MELK: variants seen among roughly 807,000 people sequenced by gnomAD.
MELK encodes the protein pEg3 kinase.
A neutral mutation model predicts 85.0 loss-of-function variants in MELK; 81 were observed. That is an observed-to-expected ratio of 0.95 (90% CI 0.80 to 1.15). The LOEUF (loss-of-function observed/expected upper bound fraction) is 1.15, where lower values mean the gene tolerates loss of function less well. Among genes scored for constraint, MELK ranks in the 50% most tolerant of loss-of-function variants. The pLI is 0.00. For missense variants in MELK, 754 were observed against 777.5 expected (o/e 0.97, Z 0.36); for synonymous variants, 252 against 265.0 (o/e 0.95, Z 0.48).
intron 2 of MELK, among the ~76,000 whole-genome samples, chr9:36,582,707 A>G (rs1822384019): frequency 6.6e-6 from 1 of 152,052 alleles, no homozygotes; most frequent in Admixed American, 6.6e-5. Flanking sequence ...CAAGGTAGCC[A>G]TTGATATATT....
intron 7 of MELK, among the ~76,000 whole-genome samples, chr9:36,602,221 G>A (rs920542996): frequency 2.0e-5 from 3 of 152,002 alleles, no homozygotes; most frequent in Admixed American, 1.3e-4. Flanking sequence ...GGCTGGGCGC[G>A]GTGGCTCATG....
In MELK at chr9:36,608,417, G is replaced by GTATATATA. The variant is rs543732493; in HGVS notation, c.666+754_666+761dup. 1.1e-4 allele frequency among the ~76,000 whole-genome samples: 17 copies of GTATATATA among 148,078 alleles called. No individual in the cohort carries two copies. The South Asian group carries it at 3.6e-3, about 32-fold the overall frequency. On this transcript the variant is annotated intron_variant, in intron 8 of 17. Coordinates refer to ENST00000298048, the MANE Select transcript of MELK (RefSeq NM_014791.4). The stretch of plus-strand genomic sequence containing the variant: ...ATAAATTAAACTTTATCAAACTTGT[G>GTATATATA]TATATATATATATATATGGAAAGAA...
At chr9:36,597,576 A>G (rs1236003079) in intron 6 of MELK, among the ~76,000 whole-genome samples, 1 of 152,214 alleles carries the variant, frequency 6.6e-6, no homozygotes, top group African/African-American at 2.4e-5. Context: ...AGGCTATTAC[A>G]GCAAGAATGC....
At chr9:36,599,178 G>A (rs1378884281) in intron 6 of MELK, among the ~76,000 whole-genome samples, 2 of 151,996 alleles carry the variant, frequency 1.3e-5, no homozygotes, top group East Asian at 3.9e-4. Flanking sequence ...CTGCGTGCCT[G>A]TAATCCCAGC....
At chr9:36,657,412 T>C (rs1831363624) in intron 13 of MELK, 49 bp downstream of exon 13, 3 of 1,535,840 alleles carry the variant, frequency 2.0e-6, no homozygotes, top group Non-Finnish European at 1.7e-6. Context: ...GTTTCAATTA[T>C]AAAAACAACC....
intron 14 of MELK, among the ~76,000 whole-genome samples, chr9:36,666,901 GTGTGTGA>G (rs1302287254): frequency 1.1e-4 from 15 of 134,032 alleles, no homozygotes; most frequent in African/African-American, 4.0e-4. Flanking sequence ...GTGTGTGTGT[GTGTGTGA>G]TGGTGTGTGT....
chr9:36,644,880 C>G (rs1347852617), intron 11 of MELK, among the ~76,000 whole-genome samples: 1 of 152,122 alleles, frequency 6.6e-6, no homozygotes, highest in African/African-American at 2.4e-5. Flanking sequence ...CCCTTTCCAG[C>G]TGGGATATTT....
intron 5 of MELK, among the ~76,000 whole-genome samples, chr9:36,596,566 TTTTTTG>T (rs1286500669): frequency 8.5e-5 from 9 of 105,722 alleles, no homozygotes; most frequent in African/African-American, 3.1e-4. Flanking sequence ...CCTTTTTGTT[TTTTTTG>T]TTTTTTTTGT....
intron 1 of MELK, among the ~76,000 whole-genome samples, chr9:36,577,228 G>C (rs549536793): frequency 6.6e-6 from 1 of 152,208 alleles, no homozygotes; most frequent in East Asian, 2.0e-4. Context: ...AAACAGGCTT[G>C]CTTGGCCAGG....
chr9:36,600,861 G>T (rs78506197), intron 7 of MELK, among the ~76,000 whole-genome samples: 1,570 of 152,300 alleles, frequency 0.01, 13 homozygotes, highest in Non-Finnish European at 0.018. Context: ...AAAATGAGAA[G>T]ATGGGAACTG....
intron 9 of MELK, among the ~76,000 whole-genome samples, chr9:36,632,465 A>G (rs1411066729): frequency 6.6e-6 from 1 of 152,040 alleles, no homozygotes; most frequent in Non-Finnish European, 1.5e-5. Flanking sequence ...ATGTATTCAG[A>G]ATATCTTCTG....
At chr9:36,636,782 T>TTCTTTCTGTCTGTCTGTCTGTCTG (rs71494635) in intron 10 of MELK, among the ~76,000 whole-genome samples, 39 of 107,674 alleles carry the variant, frequency 3.6e-4, no homozygotes, top group African/African-American at 1.1e-3. Context: ...CTTTCTTTCT[T>TTCTTTCTGTCTGTCTGTCTGTCTG]TCTGTCTGTC....
chr9:36,656,689 A>G (rs1831286287), intron 12 of MELK, among the ~76,000 whole-genome samples: 1 of 151,194 alleles, frequency 6.6e-6, no homozygotes, highest in Non-Finnish European at 1.5e-5. Context: ...GTGCAGTGGC[A>G]CAATTTCTGC....
intron 12 of MELK, among the ~76,000 whole-genome samples, chr9:36,654,549 T>G (rs1432232831): frequency 6.6e-6 from 1 of 151,644 alleles, no homozygotes; most frequent in African/African-American, 2.4e-5. Flanking sequence ...AGAGATGGGA[T>G]TTCACCATGT....
intron 3 of MELK, among the ~76,000 whole-genome samples, chr9:36,588,673 C>T (rs188420483): frequency 1.5e-3 from 224 of 152,224 alleles, no homozygotes; most frequent in African/African-American, 5.2e-3. Flanking sequence ...TCCACTGCGC[C>T]CTGCCTCAGG....
At chr9:36,579,337 A>G (rs1031482430) in intron 1 of MELK, among the ~76,000 whole-genome samples, 2 of 151,648 alleles carry the variant, frequency 1.3e-5, no homozygotes, top group African/African-American at 4.8e-5. Context: ...TAATTTTTAT[A>G]TTTTTTAGTA....
At chr9:36,670,433 A>G (rs1389996407) in intron 15 of MELK, among the ~76,000 whole-genome samples, 6 of 152,136 alleles carry the variant, frequency 3.9e-5, no homozygotes, top group Admixed American at 3.9e-4. Context: ...CAACATCCTT[A>G]TTCATTGGAG....
intron 11 of MELK, among the ~76,000 whole-genome samples, chr9:36,650,954 A>AT (rs964361391): frequency 6.6e-6 from 1 of 152,194 alleles, no homozygotes; most frequent in Non-Finnish European, 1.5e-5. Context: ...ACTGACTTTT[A>AT]TTTTTATCTT....
At chr9:36,587,303 G>C (rs1823015925) in intron 3 of MELK, among the ~76,000 whole-genome samples, 1 of 151,362 alleles carries the variant, frequency 6.6e-6, no homozygotes, top group Non-Finnish European at 1.5e-5. Flanking sequence ...TGGCCATTAA[G>C]ACGGAGTCCC....
Sources: gnomAD v4.1 joint callset for allele counts (sites outside exome capture counted in the v4.1 genomes callset) on GRCh38, gnomAD v4.1.1 for gene constraint, MANE v1.5 for transcripts, NCBI Gene and HGNC (gene_info 2026-07-23, HGNC 2026-07-21) for gene names.